The following ARHGEF7 variants were observed in gnomAD, a reference collection of about 807,000 sequenced individuals.
ARHGEF7 encodes Rho guanine nucleotide exchange factor 7.
In ARHGEF7, 33 loss-of-function variants were observed where a neutral mutation model predicts 109.8. The ratio of observed to expected loss-of-function variants is 0.30; its 90% confidence interval spans 0.23 to 0.40. The LOEUF (loss-of-function observed/expected upper bound fraction) is 0.40, where lower values mean the gene tolerates loss of function less well. Among genes scored for constraint, ARHGEF7 ranks in the 10% least tolerant of loss-of-function variants. The pLI is 1.00. For synonymous variants in ARHGEF7, 458 were observed against 424.6 expected (o/e 1.08, Z -0.97); for missense variants, 938 against 1,098.5 (o/e 0.85, Z 2.07).
In ARHGEF7 at chr13:111,266,707, C is replaced by T; in HGVS notation, c.951-841C>T. 4.8e-6 allele frequency: 2 copies of T among 416,704 alleles called. No individual in the cohort carries two copies. Among genetic ancestry groups the T allele is most frequent in the Admixed American group, 2.5e-5 (1 of 39,954 alleles). The allele number at this position is 416,704 out of a possible 1,614,324, so 25.8% of individuals were successfully genotyped here. On this transcript the variant is annotated intron_variant, in intron 8 of 21. Coordinates refer to ENST00000646102, the MANE Select transcript of ARHGEF7 (RefSeq NM_001354046.2). The surrounding 1 kb of genome is among the most constrained non-coding windows in gnomAD (Gnocchi z 4.8). The stretch of plus-strand genomic sequence containing the variant: ...ATGTTTTTGGTCACTTTTTCTCTGG[C>T]TCCCATTCCCTAGGTAGGAGGATGT...
chr13:111,227,788 T>C (rs539017056), intron 5 of ARHGEF7, among the ~76,000 whole-genome samples: 1 of 152,230 alleles, frequency 6.6e-6, no homozygotes, highest in Non-Finnish European at 1.5e-5. Flanking sequence ...TGCTTTAGTC[T>C]TATTTGTATT....
chr13:111,302,208 G>A (rs1264097928), intron 21 of ARHGEF7, among the ~76,000 whole-genome samples: 2 of 152,184 alleles, frequency 1.3e-5, no homozygotes, highest in Admixed American at 1.3e-4. Context: ...GGTGTTCTGG[G>A]TATTGCACGG....
chr13:111,119,493 G>C (rs2067031560), intron 1 of ARHGEF7, among the ~76,000 whole-genome samples: 1 of 152,166 alleles, frequency 6.6e-6, no homozygotes, highest in Non-Finnish European at 1.5e-5. Context: ...CGAAAGACAA[G>C]AACAGCATGA....
chr13:111,209,337 AC>A (rs1172721311), intron 3 of ARHGEF7: 11 of 152,368 alleles, frequency 7.2e-5, no homozygotes, highest in African/African-American at 2.7e-4. Context: ...TCTGTCAGCA[AC>A]TTCATGAGGT....
intron 2 of ARHGEF7, among the ~76,000 whole-genome samples, chr13:111,182,924 A>G (rs1306377030): frequency 6.6e-6 from 1 of 152,216 alleles, no homozygotes; most frequent in Non-Finnish European, 1.5e-5. Flanking sequence ...GTTATAAAAT[A>G]TGCTCTTGTG....
chr13:111,287,965 T>G (rs2093097935), intron 17 of ARHGEF7, among the ~76,000 whole-genome samples: 1 of 152,262 alleles, frequency 6.6e-6, no homozygotes, highest in East Asian at 1.9e-4. Flanking sequence ...CGAAAATGTT[T>G]TAATTTTCAT....
In ARHGEF7 at chr13:111,267,708, A is replaced by T. The variant is rs1971948601; in HGVS notation, c.1073+38A>T. 3 of 1,610,620 alleles carry T rather than the reference A, an allele frequency of 1.9e-6. No individual in the cohort carries two copies. In the East Asian group the frequency reaches 6.7e-5, roughly 36 times the overall value. On this transcript the variant is annotated intron_variant, in intron 9 of 21. Transcript: ENST00000646102. ...GGCACCTTGGCAACAGGGAGGGTGGATGGCTCTGTGTCCTTCAAATAGTGC... is the reference window on the plus strand; with the variant it reads ...GGCACCTTGGCAACAGGGAGGGTGGTTGGCTCTGTGTCCTTCAAATAGTGC...
intron 4 of ARHGEF7, among the ~76,000 whole-genome samples, chr13:111,213,213 C>T (rs1454842585): frequency 2.0e-5 from 3 of 152,090 alleles, no homozygotes; most frequent in African/African-American, 7.2e-5. Flanking sequence ...CTCCAGGCAT[C>T]AGAAAGAGGC....
At chr13:111,133,811 AT>A (rs1555341568) in intron 1 of ARHGEF7, among the ~76,000 whole-genome samples, 1,419 of 53,522 alleles carry the variant, frequency 0.027, 143 homozygotes, top group African/African-American at 0.033. Context: ...ATATATATAT[AT>A]ATTTATTATA....
chr13:111,184,033 A>G (rs1424774776), intron 2 of ARHGEF7, among the ~76,000 whole-genome samples: 1 of 152,084 alleles, frequency 6.6e-6, no homozygotes, highest in Non-Finnish European at 1.5e-5. Flanking sequence ...CTCACCTTGA[A>G]TTATAATAAT....
intron 8 of ARHGEF7, 55 bp from the exon 9 acceptor site, chr13:111,267,493 A>C (rs779770485): frequency 6.8e-6 from 11 of 1,607,092 alleles, no homozygotes; most frequent in Non-Finnish European, 8.5e-6. Context: ...GTCAGTTAGC[A>C]GTTGTCCTGT....
chr13:111,284,794 C>G (rs2092947824), intron 16 of ARHGEF7, among the ~76,000 whole-genome samples: 1 of 152,110 alleles, frequency 6.6e-6, no homozygotes, highest in Admixed American at 6.5e-5. Context: ...GTGGAGGCCG[C>G]TCTGCAGCCC....
intron 2 of ARHGEF7, among the ~76,000 whole-genome samples, chr13:111,201,101 G>C (rs1328648869): frequency 6.6e-6 from 1 of 152,098 alleles, no homozygotes; most frequent in Non-Finnish European, 1.5e-5. Context: ...AGGCTTGTTG[G>C]CTCCTTCCAG....
intron 5 of ARHGEF7, among the ~76,000 whole-genome samples, chr13:111,232,026 G>C (rs2086124624): frequency 6.6e-6 from 1 of 152,134 alleles, no homozygotes; most frequent in Non-Finnish European, 1.5e-5. Flanking sequence ...ACCAATGTTA[G>C]ATATACAGAA....
intron 1 of ARHGEF7, among the ~76,000 whole-genome samples, chr13:111,126,228 C>T (rs1032725444): frequency 1.2e-4 from 19 of 152,298 alleles, no homozygotes; most frequent in African/African-American, 3.6e-4. Flanking sequence ...CGGTGGCTCA[C>T]GCCTATAATC....
chr13:111,161,130 A>G (rs1397764734), intron 2 of ARHGEF7, among the ~76,000 whole-genome samples: 1 of 152,202 alleles, frequency 6.6e-6, no homozygotes. Flanking sequence ...CTGAAATACA[A>G]AACACTTCTG....
intron 1 of ARHGEF7, among the ~76,000 whole-genome samples, chr13:111,133,930 C>T (rs572722638): frequency 6.6e-6 from 1 of 150,982 alleles, no homozygotes; most frequent in Admixed American, 6.6e-5. Context: ...TTAGGTATAT[C>T]TCCTAATGCT....
At chr13:111,136,199 A>G (rs1293942276) in intron 1 of ARHGEF7, among the ~76,000 whole-genome samples, 1 of 152,192 alleles carries the variant, frequency 6.6e-6, no homozygotes, top group Non-Finnish European at 1.5e-5. Context: ...TCGGTTTGCC[A>G]GTATTTTATT....
rs1021431394 is a variant in ARHGEF7, at chr13:111,201,138, CCAT to C, written c.253-4149_253-4147del. On this transcript the variant is annotated intron_variant, in intron 2 of 21. Transcript: ENST00000646102. ...CTCTCCCCAGTGTTTGTCCAAATCC[CCAT>C]CGTCCCCCTTGTTCCTGTGGCTGAG... Among the ~76,000 whole-genome samples the C allele has an allele frequency of 6.3e-4, 96 of 152,284 alleles. 1 individual carries two copies. Among genetic ancestry groups the C allele is most frequent in the African/African-American group, 2.1e-3 (89 of 41,552 alleles).
Sources: allele counts gnomAD v4.1 joint callset (sites outside exome capture counted in the v4.1 genomes callset), GRCh38; gene constraint gnomAD v4.1.1; non-coding constraint Gnocchi (gnomAD v3.1); transcripts MANE v1.5; gene names NCBI Gene and HGNC (gene_info 2026-07-23, HGNC 2026-07-21).